The following ASTN2 variants were observed in gnomAD, a reference collection of about 807,000 sequenced individuals.
The protein encoded by ASTN2 is astrotactin-2.
ASTN2 carries 54 observed loss-of-function variants against 139.8 expected under a neutral mutation model. That is an observed-to-expected ratio of 0.39 (90% confidence interval 0.31 to 0.48). The LOEUF is 0.48. Among genes scored for constraint, ASTN2 ranks in the 20% least tolerant of loss-of-function variants. The pLI, the probability that ASTN2 is intolerant of heterozygous loss-of-function variation, is 0.95. For synonymous variants in ASTN2, 756 were observed against 719.5 expected (o/e 1.05, Z -0.81); for missense variants, 1,565 against 1,725.1 (o/e 0.91, Z 1.64).
intron 20 of ASTN2, among the ~76,000 whole-genome samples, chr9:116,458,919 C>A (rs1211201696): frequency 6.6e-6 from 1 of 151,796 alleles, no homozygotes; most frequent in African/African-American, 2.4e-5. Context: ...CTAAAATTCA[C>A]ATGGAAATGA....
At chr9:117,260,151 C>G (rs1003867355) in intron 2 of ASTN2, among the ~76,000 whole-genome samples, 5 of 152,034 alleles carry the variant, frequency 3.3e-5, no homozygotes, top group African/African-American at 1.2e-4. Flanking sequence ...CCCTAAAAAC[C>G]CTGACACAAC....
chr9:117,196,560 CCTAT>C (rs1468893742), intron 3 of ASTN2, among the ~76,000 whole-genome samples: 5 of 152,182 alleles, frequency 3.3e-5, no homozygotes, highest in African/African-American at 1.2e-4. Flanking sequence ...ACAATGCCTT[CCTAT>C]CTATCACTGT....
chr9:116,989,547 A>G (rs1367977365), intron 7 of ASTN2, among the ~76,000 whole-genome samples: 1 of 150,874 alleles, frequency 6.6e-6, no homozygotes, highest in Non-Finnish European at 1.5e-5. Context: ...GAACCCAGCT[A>G]ATTTTCACTT....
chr9:117,409,275 G>A (rs917096671), intron 1 of ASTN2, among the ~76,000 whole-genome samples: 2 of 152,106 alleles, frequency 1.3e-5, no homozygotes, highest in Non-Finnish European at 2.9e-5. Context: ...TATTTATAAG[G>A]ATTTTTTCCT....
At chr9:117,394,788 C>T (rs534879750) in intron 1 of ASTN2, among the ~76,000 whole-genome samples, 5 of 152,158 alleles carry the variant, frequency 3.3e-5, no homozygotes, top group East Asian at 1.9e-4. Context: ...GCAATAGAGG[C>T]GGGTTGGGTC....
intron 2 of ASTN2, among the ~76,000 whole-genome samples, chr9:117,219,429 A>T (rs373208913): frequency 1.3e-4 from 20 of 152,256 alleles, no homozygotes; most frequent in Middle Eastern, 3.4e-3. Flanking sequence ...ACCTAGGAAG[A>T]TGGCTGTGAA....
At chr9:116,838,922 G>A (rs34149073) in intron 11 of ASTN2, among the ~76,000 whole-genome samples, 37,372 of 152,084 alleles carry the variant, frequency 0.25, 5,030 homozygotes, top group Admixed American at 0.3. Flanking sequence ...GGAAAATGGG[G>A]AATTTTCTTG....
At chr9:117,392,326 CAA>C (rs1421207888) in intron 1 of ASTN2, among the ~76,000 whole-genome samples, 1 of 152,116 alleles carries the variant, frequency 6.6e-6, no homozygotes, top group African/African-American at 2.4e-5. Context: ...TGAGGGGAAA[CAA>C]AGGGAGAAAT....
intron 10 of ASTN2, among the ~76,000 whole-genome samples, chr9:116,973,549 G>T (rs1836268076): frequency 6.6e-6 from 1 of 152,158 alleles, no homozygotes; most frequent in South Asian, 2.1e-4. Flanking sequence ...ATGTCAACAG[G>T]ACAGAACTAT....
chr9:116,791,887 C>T (rs960287327), intron 13 of ASTN2, among the ~76,000 whole-genome samples: 2 of 152,132 alleles, frequency 1.3e-5, no homozygotes, highest in Admixed American at 1.3e-4. Context: ...GGGGGGAAAG[C>T]GAGCTGTGAA....
At chr9:116,971,295 G>A (rs1836189254) in intron 10 of ASTN2, among the ~76,000 whole-genome samples, 1 of 152,310 alleles carries the variant, frequency 6.6e-6, no homozygotes, top group East Asian at 1.9e-4. Context: ...CCAGGGGAGA[G>A]TTTTATTTTG....
At chr9:116,887,133 AT>A (rs1384704092) in intron 10 of ASTN2, among the ~76,000 whole-genome samples, 9 of 152,188 alleles carry the variant, frequency 5.9e-5, no homozygotes, top group Non-Finnish European at 1.3e-4. Flanking sequence ...CATTATGCCT[AT>A]TTCATAAGGT....
At chr9:116,553,023 C>A (rs561374105) in intron 19 of ASTN2, among the ~76,000 whole-genome samples, 7 of 152,142 alleles carry the variant, frequency 4.6e-5, no homozygotes, top group Non-Finnish European at 1.0e-4. Context: ...GAGGATGAGG[C>A]CAGGTAAGAC....
rs1851694411 is a variant in ASTN2, at chr9:116,537,537, A to C, written c.3356-50037T>G. Among the ~76,000 whole-genome samples the C allele has an allele frequency of 2.0e-5, 3 of 152,342 alleles. No individual in the cohort carries two copies. In the South Asian group the frequency reaches 6.2e-4, roughly 32 times the overall value. On this transcript the variant is annotated intron_variant, in intron 19 of 22. Transcript: ENST00000313400. ...ATGTGGTAGGAACCCTGGGAACTGT[A>C]AACATACAGTGAAGCCCTGGAAGGT...
chr9:116,818,487 G>A (rs1348406646), intron 12 of ASTN2, among the ~76,000 whole-genome samples: 2 of 152,048 alleles, frequency 1.3e-5, no homozygotes, highest in Admixed American at 6.6e-5. Flanking sequence ...AGGATGCCTG[G>A]GTTTTGTTTT....
rs147077928 is a variant in ASTN2, at chr9:116,785,148, G to C, written c.2396+20484C>G. ...CCTCTAGGTGTCTGTAGAACTGAAT[G>C]CGTTTGGACAGTGAAGCTGCTGCCT... On this transcript the variant is annotated intron_variant, in intron 13 of 22. Transcript: ENST00000313400. 1.8e-3 allele frequency among the ~76,000 whole-genome samples: 275 copies of C among 152,232 alleles called. 1 individual carries two copies. Among genetic ancestry groups the C allele is most frequent in the African/African-American group, 6.0e-3 (248 of 41,538 alleles).
intron 1 of ASTN2, among the ~76,000 whole-genome samples, chr9:117,333,246 C>T (rs1828771992): frequency 6.6e-6 from 1 of 152,182 alleles, no homozygotes; most frequent in Non-Finnish European, 1.5e-5. Flanking sequence ...ACATGTGCCA[C>T]CTCATTGAAT....
At chr9:117,332,765 T>C (rs1213893579) in intron 1 of ASTN2, among the ~76,000 whole-genome samples, 2 of 152,212 alleles carry the variant, frequency 1.3e-5, no homozygotes, top group Non-Finnish European at 2.9e-5. Flanking sequence ...GTCCATCATC[T>C]AATGAACATT....
intron 19 of ASTN2, among the ~76,000 whole-genome samples, chr9:116,521,175 A>G (rs1238895830): frequency 6.6e-6 from 1 of 152,134 alleles, no homozygotes; most frequent in East Asian, 1.9e-4. Context: ...ATGTGGGACC[A>G]AAAAAGAGCC....
Sources: allele counts gnomAD v4.1 joint callset (sites outside exome capture counted in the v4.1 genomes callset), GRCh38; gene constraint gnomAD v4.1.1; transcripts MANE v1.5; gene names NCBI Gene and HGNC (gene_info 2026-07-23, HGNC 2026-07-21).